Variants in PDZRN3 observed in about 807,000 individuals in gnomAD.
PDZRN3 encodes the protein PDZ domain containing ring finger 3.
PDZRN3 carries 38 observed loss-of-function variants against 85.7 expected under a neutral mutation model. That is an observed-to-expected ratio of 0.44 (90% confidence interval 0.34 to 0.58). PDZRN3 has a LOEUF of 0.58. PDZRN3 is among the 20% of genes least tolerant of loss of function. The pLI, the probability that PDZRN3 is intolerant of heterozygous loss-of-function variation, is 0.01. For synonymous variants in PDZRN3, 759 were observed against 638.0 expected (o/e 1.19, Z -2.86); for missense variants, 1,629 against 1,506.4 (o/e 1.08, Z -1.35).
chr3:73,445,443 AAAAACAAAAC>A (rs201285971), intron 3 of PDZRN3, among the ~76,000 whole-genome samples: 29 of 152,226 alleles, frequency 1.9e-4, no homozygotes, highest in South Asian at 6.2e-4. Flanking sequence ...GACACTTGAG[AAAAACAAAAC>A]AAAACAAAAC....
At chr3:73,521,900 T>C (rs905628007) in intron 3 of PDZRN3, among the ~76,000 whole-genome samples, 12 of 152,276 alleles carry the variant, frequency 7.9e-5, no homozygotes, top group South Asian at 2.1e-4. Flanking sequence ...TCCCTCTCTG[T>C]TTTGTCAAAG....
At chr3:73,390,866 G>A in intron 6 of PDZRN3, 152 bp downstream of exon 6, 1 of 532,310 alleles carries the variant, frequency 1.9e-6, no homozygotes, top group Non-Finnish European at 3.4e-6. Context: ...TCCGTGGAAA[G>A]ATGCAGCGCC....
intron 3 of PDZRN3, among the ~76,000 whole-genome samples, chr3:73,417,158 T>C (rs4676924): frequency 0.71 from 107,824 of 152,112 alleles, 38,492 homozygotes; most frequent in East Asian, 0.86. Context: ...CCACCACACC[T>C]GGATGATTTT....
At chr3:73,468,198 G>C (rs1360622517) in intron 3 of PDZRN3, among the ~76,000 whole-genome samples, 1 of 152,150 alleles carries the variant, frequency 6.6e-6, no homozygotes, top group East Asian at 1.9e-4. Flanking sequence ...TCATCAGAGA[G>C]ATGGCACACT....
intron 7 of PDZRN3, among the ~76,000 whole-genome samples, chr3:73,388,930 CAAAAAAAAAA>C (rs10675308): frequency 2.2e-4 from 15 of 67,684 alleles, no homozygotes; most frequent in Admixed American, 8.8e-4. Context: ...CTCCAGCAAT[CAAAAAAAAAA>C]AAAAAAAAAA....
chr3:73,481,133 A>T (rs1162790424), intron 3 of PDZRN3, among the ~76,000 whole-genome samples: 1 of 152,168 alleles, frequency 6.6e-6, no homozygotes, highest in Non-Finnish European at 1.5e-5. Context: ...CTATGCATAC[A>T]GACTTCTTGC....
At chr3:73,527,998 C>CGT (rs1704564885) in intron 3 of PDZRN3, among the ~76,000 whole-genome samples, 3 of 152,214 alleles carry the variant, frequency 2.0e-5, no homozygotes, top group Admixed American at 1.3e-4. Flanking sequence ...CAAAAGCCCA[C>CGT]CGGCTTATGT....
rs576360049 is a variant in PDZRN3 at position 73,555,143 on chromosome 3, G to C, written c.918+47211C>G. On this transcript the variant is annotated intron_variant, in intron 3 of 9. Transcript: ENST00000263666. ...GTTGTTATTTTTTGAATCAGAGCCA[G>C]TAATTTTTTTTTTCTTTCAGAGAGG... is the stretch of plus-strand genomic sequence containing the variant. Among the ~76,000 whole-genome samples, 8 of 152,256 alleles carry C rather than the reference G, an allele frequency of 5.3e-5. No individual in the cohort carries two copies. In the East Asian group the frequency reaches 1.4e-3, roughly 26 times the overall value.
Position 73,387,629 on chromosome 3 carries a change from C to T in PDZRN3, c.1518+339G>A, listed in dbSNP as rs1438257715. Among the ~76,000 whole-genome samples, 3 of 152,190 alleles carry T rather than the reference C, an allele frequency of 2.0e-5. No homozygotes were observed. In the East Asian group the frequency reaches 5.8e-4, roughly 29 times the overall value. ...TCTGCTATTGTAAATGAAACCTGCACAGATCAAGGCTGGAACATATGTCAG... is the reference window on the plus strand; with the variant it reads ...TCTGCTATTGTAAATGAAACCTGCATAGATCAAGGCTGGAACATATGTCAG... On this transcript the variant is annotated intron_variant, in intron 8 of 9. Coordinates refer to ENST00000263666, the MANE Select transcript of PDZRN3 (RefSeq NM_015009.3).
chr3:73,479,486 C>T (rs539684606), intron 3 of PDZRN3, among the ~76,000 whole-genome samples: 10 of 152,230 alleles, frequency 6.6e-5, no homozygotes, highest in Non-Finnish European at 1.3e-4. Context: ...ATCCACCAGC[C>T]CGCTGTAGCT....
At chr3:73,555,716 A>G (rs1701678172) in intron 3 of PDZRN3, among the ~76,000 whole-genome samples, 1 of 152,208 alleles carries the variant, frequency 6.6e-6, no homozygotes, top group Non-Finnish European at 1.5e-5. Context: ...CTAGGAAAAG[A>G]TCGAAGTTCA....
At chr3:73,482,071 C>T (rs1703573150) in intron 3 of PDZRN3, among the ~76,000 whole-genome samples, 1 of 152,150 alleles carries the variant, frequency 6.6e-6, no homozygotes, top group African/African-American at 2.4e-5. Flanking sequence ...GGAGTGATAA[C>T]ACTGAGAGCA....
At chr3:73,497,630 A>G (rs1410668973) in intron 3 of PDZRN3, among the ~76,000 whole-genome samples, 2 of 152,244 alleles carry the variant, frequency 1.3e-5, no homozygotes, top group East Asian at 3.8e-4. Flanking sequence ...AGCGTCCTGA[A>G]ACTCTACGTA....
intron 3 of PDZRN3, among the ~76,000 whole-genome samples, chr3:73,574,725 G>T (rs1352984976): frequency 2.0e-5 from 3 of 152,182 alleles, no homozygotes. Context: ...TCCCAAAGGG[G>T]GAACAAGCAC....
chr3:73,437,777 G>T (rs192763989), intron 3 of PDZRN3, among the ~76,000 whole-genome samples: 54 of 152,126 alleles, frequency 3.5e-4, no homozygotes, highest in African/African-American at 1.3e-3. Context: ...ATTTAGAATG[G>T]TGTTTTATTT....
At chr3:73,453,044 G>C (rs1702898785) in intron 3 of PDZRN3, among the ~76,000 whole-genome samples, 1 of 152,138 alleles carries the variant, frequency 6.6e-6, no homozygotes, top group Admixed American at 6.5e-5. Context: ...GGAAGAAATG[G>C]AGTATGGGGG....
chr3:73,537,124 C>T (rs575936230), intron 3 of PDZRN3, among the ~76,000 whole-genome samples: 19 of 152,264 alleles, frequency 1.2e-4, no homozygotes, highest in Admixed American at 6.5e-4. Context: ...GGTCAGGTAA[C>T]AGAGTTCTGG....
chr3:73,398,918 C>T (rs1398812097), intron 5 of PDZRN3, among the ~76,000 whole-genome samples: 6 of 151,956 alleles, frequency 3.9e-5, no homozygotes, highest in Non-Finnish European at 8.8e-5. Context: ...TAAGTTGAGT[C>T]GAATTAAAGA....
chr3:73,514,760 G>A (rs1704226614), intron 3 of PDZRN3, among the ~76,000 whole-genome samples: 1 of 152,158 alleles, frequency 6.6e-6, no homozygotes, highest in South Asian at 2.1e-4. Context: ...TGGCAGAAAT[G>A]AACACAATCT....
Sources: allele counts gnomAD v4.1 joint callset (sites outside exome capture counted in the v4.1 genomes callset), GRCh38; gene constraint gnomAD v4.1.1; transcripts MANE v1.5; gene names NCBI Gene and HGNC (gene_info 2026-07-23, HGNC 2026-07-21).